The following ANKUB1 variants were observed in gnomAD, a reference collection of about 807,000 sequenced individuals.
The protein encoded by ANKUB1 is ankyrin repeat and ubiquitin domain containing 1.
Under a neutral mutation model 49.3 loss-of-function variants are expected in ANKUB1, and 42 were observed. The observed-to-expected ratio is 0.85, with a 90% confidence interval of 0.67 to 1.10. ANKUB1 has a LOEUF of 1.10. ANKUB1 is among the 50% of genes least tolerant of loss of function. The probability of loss-of-function intolerance (pLI) is 0.00; values close to 1 mark genes in which losing one functional copy is unlikely to be tolerated. For missense variants in ANKUB1, 613 were observed against 642.0 expected (o/e 0.95, Z 0.49); for synonymous variants, 222 against 231.0 (o/e 0.96, Z 0.35).
chr3:149,770,220 A>G (rs1433488476), intron 4 of ANKUB1, among the ~76,000 whole-genome samples: 2 of 152,208 alleles, frequency 1.3e-5, no homozygotes, highest in African/African-American at 4.8e-5. Context: ...ATGGTAGGCT[A>G]TTAGTAGCTA....
rs143218535 is a variant in ANKUB1, at chr3:149,786,838, C to T, written c.234+3943G>A. Among the ~76,000 whole-genome samples the T allele has an allele frequency of 1.6e-3, 242 of 152,174 alleles. 2 individuals are homozygous for T. Among genetic ancestry groups the T allele is most frequent in the Non-Finnish European group, 2.6e-3 (177 of 68,012 alleles). On this transcript the variant is annotated intron_variant, in intron 2 of 5. Coordinates refer to ENST00000446160, the MANE Select transcript of ANKUB1 (RefSeq NM_001144960.3). ...CATTTATTAAATAGGGAATGCTTTC[C>T]CCATTTCTTGTTTTTGTCAGGTTTG...
At chr3:149,790,073 C>T (rs776609132) in intron 2 of ANKUB1, among the ~76,000 whole-genome samples, 28 of 152,176 alleles carry the variant, frequency 1.8e-4, no homozygotes, top group Non-Finnish European at 3.1e-4. Flanking sequence ...TTTTTATATA[C>T]GGTAAAGCAC....
At chr3:149,789,971 A>G (rs1380507492) in intron 2 of ANKUB1, among the ~76,000 whole-genome samples, 3 of 152,186 alleles carry the variant, frequency 2.0e-5, no homozygotes, top group Non-Finnish European at 4.4e-5. Flanking sequence ...GTTAACTTTG[A>G]CTACCATAAT....
At chr3:149,781,481 A>C (rs1351429235) in intron 2 of ANKUB1, among the ~76,000 whole-genome samples, 4 of 152,178 alleles carry the variant, frequency 2.6e-5, no homozygotes. Context: ...ATGTCAGTGC[A>C]TGGCACCATC....
Position 149,780,234 on chromosome 3 carries a change from A to T in ANKUB1, c.451+5T>A, listed in dbSNP as rs1717794504. The T allele has an allele frequency of 1.3e-6, 2 of 1,551,422 alleles. No homozygotes were observed. Among genetic ancestry groups the T allele is most frequent in the Admixed American group, 3.9e-5 (2 of 51,000 alleles). The stretch of plus-strand genomic sequence containing the variant: ...GTAGCTGATATCAAATATACTGGGC[A>T]GTACCAATATCAGTCTGGTAGTCCT... On this transcript the variant is annotated splice_donor_5th_base_variant and intron_variant, in intron 3 of 5. Coordinates refer to ENST00000446160, the MANE Select transcript of ANKUB1 (RefSeq NM_001144960.3).
chr3:149,773,515 T>C, intron 3 of ANKUB1, among the ~76,000 whole-genome samples: 1 of 152,210 alleles, frequency 6.6e-6, no homozygotes, highest in East Asian at 1.9e-4. Flanking sequence ...AGCTATTCTG[T>C]AGAAATACCT....
Position 149,761,429 on chromosome 3 carries a change from A to C in ANKUB1, c.*55T>G. ...CTGTTATTAGAAATGTTAACATTAG[A>C]ACTGGACATTCTGTTTGATCAGGTC... On this transcript the variant is annotated 3_prime_UTR_variant, in exon 6 of 6. Coordinates refer to ENST00000446160, the MANE Select transcript of ANKUB1 (RefSeq NM_001144960.3). 6.5e-7 allele frequency: 1 copy of C among 1,539,280 alleles called. No homozygotes were observed. Among genetic ancestry groups the C allele is most frequent in the Admixed American group, 2.0e-5 (1 of 50,676 alleles).
chr3:149,779,853 C>T (rs1717776213), intron 3 of ANKUB1: 1 of 203,702 alleles, frequency 4.9e-6, no homozygotes, highest in Admixed American at 5.3e-5. Context: ...TCTGTAGACC[C>T]AGACCCAAGA....
At position 149,773,244 on chromosome 3, in the gene ANKUB1, A is replaced by T. The variant is rs148475980; in HGVS notation, c.452-2570T>A. ...CAGTCCCTCCCTTATTGGACATTCT[A>T]TGTTATAACCTGTAATCTTGAAATG... is the stretch of plus-strand genomic sequence containing the variant. On this transcript the variant is annotated intron_variant, in intron 3 of 5. Transcript: ENST00000446160. Among the ~76,000 whole-genome samples the T allele has an allele frequency of 2.5e-3, 383 of 152,102 alleles. 1 individual carries two copies. Among genetic ancestry groups the T allele is most frequent in the Middle Eastern group, 0.01 (3 of 294 alleles).
intron 5 of ANKUB1, 104 bp downstream of exon 5, chr3:149,767,053 T>C: frequency 8.5e-7 from 1 of 1,177,914 alleles, no homozygotes; most frequent in Non-Finnish European, 1.2e-6. Flanking sequence ...CTGGAACAAC[T>C]TGTATTACTT....
At chr3:149,782,766 C>G (rs997734146) in intron 2 of ANKUB1, among the ~76,000 whole-genome samples, 1 of 152,174 alleles carries the variant, frequency 6.6e-6, no homozygotes, top group Non-Finnish European at 1.5e-5. Flanking sequence ...TCTGGACCCC[C>G]TGGCCTCAAG....
chr3:149,780,586 T>A (rs1358513494), intron 2 of ANKUB1, 131 bp from the exon 3 acceptor site: 11 of 664,532 alleles, frequency 1.7e-5, no homozygotes, highest in Non-Finnish European at 2.9e-5. Context: ...GTCAGTTGAG[T>A]TCTCTGCCTT....
At chr3:149,762,225 C>T (rs966726244) in intron 5 of ANKUB1, among the ~76,000 whole-genome samples, 13 of 152,152 alleles carry the variant, frequency 8.5e-5, no homozygotes, top group African/African-American at 2.9e-4. Context: ...CCTAGGAGTC[C>T]TCATTTACTC....
At chr3:149,787,097 C>T (rs1718137297) in intron 2 of ANKUB1, among the ~76,000 whole-genome samples, 1 of 152,098 alleles carries the variant, frequency 6.6e-6, no homozygotes, top group Non-Finnish European at 1.5e-5. Flanking sequence ...TAGTTTTTTC[C>T]AATTCTGTGA....
chr3:149,777,207 C>T (rs562202903), intron 3 of ANKUB1, among the ~76,000 whole-genome samples: 1 of 152,246 alleles, frequency 6.6e-6, no homozygotes, highest in South Asian at 2.1e-4. Flanking sequence ...GGTGTGGTGG[C>T]TCACGCCTGT....
Position 149,770,614 on chromosome 3 carries a change from A to G in ANKUB1, c.512T>C (p.Leu171Pro). The change falls in exon 4 of 6, where the codon CTT becomes CCT. Residue 171 changes from leucine to proline, a missense_variant. Transcript: ENST00000446160. ...GWKEFLMGCL[L>P]GQKLKVQRYL... Reference sequence around the variant, plus strand: ...GCGTTGGACTTTAAGTTTTTGTCCAAGGAGACAACCCATCAGAAATTCCTT... The same window carrying G: ...GCGTTGGACTTTAAGTTTTTGTCCAGGGAGACAACCCATCAGAAATTCCTT... 1 of 1,550,474 alleles carries G rather than the reference A, an allele frequency of 6.4e-7. No individual in the cohort carries two copies. Among genetic ancestry groups the G allele is most frequent in the Non-Finnish European group, 8.7e-7 (1 of 1,146,498 alleles).
chr3:149,771,916 A>G (rs1221971146), intron 3 of ANKUB1, among the ~76,000 whole-genome samples: 3 of 150,942 alleles, frequency 2.0e-5, no homozygotes, highest in East Asian at 1.9e-4. Context: ...AAGACCACTC[A>G]TTATCTTTCA....
At chr3:149,780,511 G>A in intron 2 of ANKUB1, 56 bp from the exon 3 acceptor site, 1 of 1,347,440 alleles carries the variant, frequency 7.4e-7, no homozygotes, top group Non-Finnish European at 1.0e-6. Context: ...TGAGGGCCAA[G>A]CATTTCAGAG....
Position 149,767,874 on chromosome 3 carries a change from CT to C in ANKUB1, c.787del (p.Ser263ValfsTer16). On this transcript the variant is annotated frameshift_variant, in exon 5 of 6. Transcript: ENST00000446160. LOFTEE classifies it high-confidence loss of function. ...ATTTTTGCATTCCAGGCACAGCACACTGTAGTTGACAAAGGCCTTCAGAATC... is the reference window on the plus strand; with the variant it reads ...ATTTTTGCATTCCAGGCACAGCACACGTAGTTGACAAAGGCCTTCAGAATC... ...LLILKAFVNY[S>X]VLCLECKNAA... 1 of 1,551,744 alleles carries C rather than the reference CT, an allele frequency of 6.4e-7. No individual in the cohort carries two copies. Among genetic ancestry groups the C allele is most frequent in the Non-Finnish European group, 8.7e-7 (1 of 1,147,002 alleles).
Sources: gnomAD v4.1 joint callset for allele counts (sites outside exome capture counted in the v4.1 genomes callset) on GRCh38, gnomAD v4.1.1 for gene constraint, MANE v1.5 for transcripts, NCBI Gene and HGNC (gene_info 2026-07-23, HGNC 2026-07-21) for gene names.